The following SNRPD1 variants were observed in gnomAD, a reference collection of about 807,000 sequenced individuals.
SNRPD1 encodes the protein small nuclear ribonucleoprotein D1 polypeptide.
Under a neutral mutation model 14.4 loss-of-function variants are expected in SNRPD1, and 1 was observed. The observed-to-expected ratio is 0.07, with a 90% CI of 0.02 to 0.33. SNRPD1 has a LOEUF of 0.33. Ranked by LOEUF, SNRPD1 falls within the 10% of genes least tolerant of loss-of-function variation. The pLI is 1.00. For missense variants in SNRPD1, 52 were observed against 146.4 expected (o/e 0.36, Z 3.33); for synonymous variants, 42 against 50.3 (o/e 0.83, Z 0.70).
At chr18:21,624,754 ATCTC>A (rs1159538571) in intron 3 of SNRPD1, among the ~76,000 whole-genome samples, 1 of 151,466 alleles carries the variant, frequency 6.6e-6, no homozygotes, top group South Asian at 2.1e-4. Flanking sequence ...CAATGATTTA[ATCTC>A]TCTCTCGGTC....
chr18:21,622,308 T>C (rs2039004072), intron 1 of SNRPD1, among the ~76,000 whole-genome samples: 2 of 151,860 alleles, frequency 1.3e-5, no homozygotes, highest in Non-Finnish European at 2.9e-5. Context: ...CCCAGCTAAT[T>C]TTTTGTATTT....
chr18:21,624,518 C>A (rs996765935), intron 3 of SNRPD1, among the ~76,000 whole-genome samples: 16 of 151,706 alleles, frequency 1.1e-4, no homozygotes, highest in Admixed American at 7.9e-4. Context: ...ATGGCGAAAC[C>A]CCCTCTCTAC....
intron 2 of SNRPD1, 145 bp downstream of exon 2, chr18:21,622,946 T>G (rs1487430772): frequency 8.1e-6 from 4 of 495,658 alleles, no homozygotes; most frequent in Non-Finnish European, 1.4e-5. Flanking sequence ...TTTTTTTTTT[T>G]TAAACAGTTT....
At chr18:21,628,602 G>T (rs974913362) in intron 3 of SNRPD1, among the ~76,000 whole-genome samples, 1 of 152,124 alleles carries the variant, frequency 6.6e-6, no homozygotes, top group Non-Finnish European at 1.5e-5. Flanking sequence ...TAATAAGATT[G>T]TGATTTGATG....
At chr18:21,628,985 G>A (rs1380554453) in intron 3 of SNRPD1, 77 bp from the exon 4 acceptor site, 4 of 1,058,078 alleles carry the variant, frequency 3.8e-6, no homozygotes, top group Non-Finnish European at 5.9e-6. Flanking sequence ...AGGTGTGTGT[G>A]TAAATGTTGT....
chr18:21,616,204 C>T (rs2038956175), intron 1 of SNRPD1, among the ~76,000 whole-genome samples: 1 of 151,770 alleles, frequency 6.6e-6, no homozygotes, highest in Non-Finnish European at 1.5e-5. Flanking sequence ...CCAGGATGTT[C>T]TCAATCTCCT....
intron 1 of SNRPD1, among the ~76,000 whole-genome samples, chr18:21,616,771 C>T (rs1414517838): frequency 6.8e-6 from 1 of 147,642 alleles, no homozygotes; most frequent in African/African-American, 2.5e-5. Flanking sequence ...CTGCGACCTC[C>T]ACCTCCCAGG....
Position 21,630,822 on chromosome 18 carries a change from A to G in SNRPD1, c.*1684A>G, listed in dbSNP as rs1240499236. 1 of 148,346 alleles carries G rather than the reference A, an allele frequency of 6.7e-6. No homozygotes were observed. The highest frequency in any genetic ancestry group is 1.5e-5 in the Non-Finnish European group (1 of 67,316). 9.2% of individuals were successfully genotyped at this position (148,346 alleles called of 1,614,324 possible). ...TATATATATGTATTTATACTAATAT[A>G]TAAATATATACTAATAGATATATTA... On this transcript the variant is annotated 3_prime_UTR_variant, in exon 4 of 4. Transcript: ENST00000300413.
chr18:21,622,824 A>C, intron 2 of SNRPD1, 23 bp downstream of exon 2: 1 of 1,311,006 alleles, frequency 7.6e-7, no homozygotes, highest in Non-Finnish European at 1.1e-6. Context: ...GACTGCTTTT[A>C]TAACATTTTT....
intron 1 of SNRPD1, among the ~76,000 whole-genome samples, chr18:21,617,823 A>T (rs1005402382): frequency 3.9e-5 from 6 of 152,062 alleles, no homozygotes; most frequent in Admixed American, 3.3e-4. Flanking sequence ...TACTAAAAAT[A>T]CAAAAATTAG....
At chr18:21,627,574 G>A (rs1361489479) in intron 3 of SNRPD1, among the ~76,000 whole-genome samples, 1 of 151,516 alleles carries the variant, frequency 6.6e-6, no homozygotes, top group East Asian at 1.9e-4. Context: ...CAAGTAGCTG[G>A]GATTACAGGT....
chr18:21,624,057 TA>T, intron 3 of SNRPD1, 118 bp downstream of exon 3: 1 of 666,518 alleles, frequency 1.5e-6, no homozygotes, highest in South Asian at 2.0e-5. Context: ...TTTCCTATAG[TA>T]TGTATAGTAA....
At chr18:21,624,806 C>T (rs1216205802) in intron 3 of SNRPD1, among the ~76,000 whole-genome samples, 3 of 151,954 alleles carry the variant, frequency 2.0e-5, no homozygotes, top group Admixed American at 6.6e-5. Context: ...AAAAAACCCC[C>T]TGTGGGTACC....
At chr18:21,614,954 T>G (rs1354786240) in intron 1 of SNRPD1, among the ~76,000 whole-genome samples, 1 of 152,208 alleles carries the variant, frequency 6.6e-6, no homozygotes, top group East Asian at 1.9e-4. Flanking sequence ...CACTCATGGA[T>G]TTTTGTTTTC....
chr18:21,617,249 A>T (rs1035664713), intron 1 of SNRPD1, among the ~76,000 whole-genome samples: 1 of 151,704 alleles, frequency 6.6e-6, no homozygotes, highest in Non-Finnish European at 1.5e-5. Flanking sequence ...TGAGGTCAGG[A>T]GTTCGAGACC....
chr18:21,622,403 C>G (rs752044803), intron 1 of SNRPD1, among the ~76,000 whole-genome samples: 5 of 152,076 alleles, frequency 3.3e-5, no homozygotes, highest in South Asian at 2.1e-4. Context: ...GCCTCCCAAA[C>G]TGCTGGAATT....
rs2039074337 is a variant in SNRPD1 at position 21,630,618 on chromosome 18, G to GGTGC, written c.*1481_*1484dup. 1 of 151,762 alleles carries GGTGC rather than the reference G, an allele frequency of 6.6e-6. No homozygotes were observed. Among genetic ancestry groups the GGTGC allele is most frequent in the Admixed American group, 6.6e-5 (1 of 15,222 alleles). 9.4% of individuals were successfully genotyped at this position (151,762 alleles called of 1,614,324 possible). ...CTACTAAAAATACAAAAGTTAGCCAGGTGCAGTGACAGGCGCCTGTAATCC... is the reference window on the plus strand; with the variant it reads ...CTACTAAAAATACAAAAGTTAGCCAGGTGCGTGCAGTGACAGGCGCCTGTAATCC... On this transcript the variant is annotated 3_prime_UTR_variant, in exon 4 of 4. Coordinates refer to ENST00000300413, the MANE Select transcript of SNRPD1 (RefSeq NM_006938.4).
At chr18:21,620,855 T>C (rs2038991687) in intron 1 of SNRPD1, among the ~76,000 whole-genome samples, 1 of 152,046 alleles carries the variant, frequency 6.6e-6, no homozygotes, top group African/African-American at 2.4e-5. Flanking sequence ...AAGAAATAGT[T>C]TTCCCATGTT....
At chr18:21,622,046 C>G (rs2039001718) in intron 1 of SNRPD1, among the ~76,000 whole-genome samples, 1 of 152,140 alleles carries the variant, frequency 6.6e-6, no homozygotes, top group Non-Finnish European at 1.5e-5. Flanking sequence ...AATAATATTC[C>G]TACATACCCA....
Sources: allele counts gnomAD v4.1 joint callset (sites outside exome capture counted in the v4.1 genomes callset), GRCh38; gene constraint gnomAD v4.1.1; transcripts MANE v1.5; gene names NCBI Gene and HGNC (gene_info 2026-07-23, HGNC 2026-07-21).